The following CSMD1 variants were observed in gnomAD, a reference collection of about 807,000 sequenced individuals.
CSMD1 encodes the protein CUB and sushi domain-containing protein 1.
In CSMD1, 213 loss-of-function variants were observed where a neutral mutation model predicts 417.5. The ratio of observed to expected loss-of-function variants is 0.51; its 90% CI spans 0.46 to 0.57. CSMD1 has a LOEUF of 0.57. CSMD1 is among the 20% of genes least tolerant of loss of function. CSMD1 has a pLI of 0.00. For synonymous variants in CSMD1, 2,862 were observed against 1,736.8 expected (o/e 1.65, Z -16.11); for missense variants, 6,923 against 4,529.7 (o/e 1.53, Z -15.17).
intron 26 of CSMD1, among the ~76,000 whole-genome samples, chr8:3,236,259 A>C (rs535615367): frequency 6.6e-6 from 1 of 152,206 alleles, no homozygotes; most frequent in African/African-American, 2.4e-5. Context: ...ATACATTTAG[A>C]GCTAATGTAT....
intron 1 of CSMD1, among the ~76,000 whole-genome samples, chr8:4,641,929 C>G (rs943282156): frequency 6.6e-6 from 1 of 152,170 alleles, no homozygotes; most frequent in African/African-American, 2.4e-5. Flanking sequence ...ATAATTATTG[C>G]TAACATTTTG....
Position 3,361,388 on chromosome 8 carries a change from G to C in CSMD1, c.3116-2048C>G, listed in dbSNP as rs892138895. Among the ~76,000 whole-genome samples the C allele has an allele frequency of 2.0e-5, 3 of 151,916 alleles. No homozygotes were observed. In the South Asian group the frequency reaches 6.2e-4, roughly 32 times the overall value. ...TCATACCTGTAATCTCAGCACTTTG[G>C]GAGGCAGAGGCGGGTGGATCATGAG... is the stretch of plus-strand genomic sequence containing the variant. On this transcript the variant is annotated intron_variant, in intron 20 of 69. Transcript: ENST00000635120.
intron 1 of CSMD1, among the ~76,000 whole-genome samples, chr8:4,645,753 A>G (rs1803480672): frequency 6.6e-6 from 1 of 152,176 alleles, no homozygotes; most frequent in African/African-American, 2.4e-5. Flanking sequence ...ATTTTACGTG[A>G]AAGATGATGA....
At chr8:4,850,511 A>C (rs1034345552) in intron 1 of CSMD1, among the ~76,000 whole-genome samples, 1 of 150,478 alleles carries the variant, frequency 6.6e-6, no homozygotes, top group Non-Finnish European at 1.5e-5. Flanking sequence ...GTTATTTTCC[A>C]AAATCTTCCA....
chr8:4,084,295 A>C (rs1367968340), intron 3 of CSMD1, among the ~76,000 whole-genome samples: 1 of 150,338 alleles, frequency 6.7e-6, no homozygotes, highest in African/African-American at 2.4e-5. Flanking sequence ...TTCAACTTTT[A>C]TGAAAAAAGT....
chr8:4,226,554 C>T (rs952725372), intron 3 of CSMD1, among the ~76,000 whole-genome samples: 1 of 152,046 alleles, frequency 6.6e-6, no homozygotes, highest in Non-Finnish European at 1.5e-5. Flanking sequence ...ATCATGGATA[C>T]CATAAGTTGA....
chr8:4,580,013 G>A (rs1003249255), intron 2 of CSMD1, among the ~76,000 whole-genome samples: 1 of 152,136 alleles, frequency 6.6e-6, no homozygotes, highest in African/African-American at 2.4e-5. Flanking sequence ...CATGTGAACT[G>A]TCACATCTTT....
chr8:3,331,944 T>G (rs915736793), intron 23 of CSMD1, among the ~76,000 whole-genome samples: 5 of 152,284 alleles, frequency 3.3e-5, no homozygotes, highest in African/African-American at 1.2e-4. Flanking sequence ...AATAGATAGC[T>G]AGATAGATAA....
chr8:4,390,498 T>TTTATTTATTTATTTA (rs1321858060), intron 3 of CSMD1, among the ~76,000 whole-genome samples: 4 of 19,060 alleles, frequency 2.1e-4, no homozygotes, highest in African/African-American at 1.1e-3. Flanking sequence ...AGCGTCCATT[T>TTTATTTATTTATTTA]TTATTTATTT....
intron 3 of CSMD1, among the ~76,000 whole-genome samples, chr8:4,237,204 C>T (rs1238562215): frequency 1.3e-5 from 2 of 152,144 alleles, no homozygotes; most frequent in African/African-American, 2.4e-5. Context: ...ACCAACTTTG[C>T]AAATCAATTG....
Position 4,056,302 on chromosome 8 carries a change from C to G in CSMD1, c.416-24203G>C, listed in dbSNP as rs190797008. Among the ~76,000 whole-genome samples the G allele has an allele frequency of 1.0e-3, 155 of 151,718 alleles. 2 individuals are homozygous for G. The highest frequency in any genetic ancestry group is 3.7e-3 in the African/African-American group (153 of 41,402). On this transcript the variant is annotated intron_variant, in intron 3 of 69. Transcript: ENST00000635120. Reference sequence around the variant, plus strand: ...TTCACCATGTTGGCCTGGCTCGTCTCAAACTCCTGACCTTAGGTGATCCAC... The same window carrying G: ...TTCACCATGTTGGCCTGGCTCGTCTGAAACTCCTGACCTTAGGTGATCCAC...
At chr8:4,666,973 A>C (rs1348542340) in intron 1 of CSMD1, among the ~76,000 whole-genome samples, 4 of 152,074 alleles carry the variant, frequency 2.6e-5, no homozygotes, top group African/African-American at 9.7e-5. Flanking sequence ...TGTAATTTTT[A>C]TTCCTTTAGT....
intron 10 of CSMD1, among the ~76,000 whole-genome samples, chr8:3,555,063 G>T (rs916334228): frequency 1.3e-5 from 2 of 152,084 alleles, no homozygotes; most frequent in Non-Finnish European, 2.9e-5. Context: ...AGGCTAAGGA[G>T]CCAGGAGAGC....
In CSMD1 at chr8:4,321,225, G is replaced by C. The variant is rs1311367262; in HGVS notation, c.415+98728C>G. On this transcript the variant is annotated intron_variant, in intron 3 of 69. Coordinates refer to ENST00000635120, the MANE Select transcript of CSMD1 (RefSeq NM_033225.6). Reference sequence around the variant, plus strand: ...GTGTCCAGTGCATGAACACGTTCATGAGGCGTGCCTACAGCTAGTCCCTGT... The same window carrying C: ...GTGTCCAGTGCATGAACACGTTCATCAGGCGTGCCTACAGCTAGTCCCTGT... Among the ~76,000 whole-genome samples the C allele has an allele frequency of 2.6e-5, 4 of 152,090 alleles. No individual in the cohort carries two copies. In the East Asian group the frequency reaches 7.7e-4, roughly 29 times the overall value.
intron 5 of CSMD1, among the ~76,000 whole-genome samples, chr8:3,949,543 G>C (rs1811461965): frequency 6.6e-6 from 1 of 152,140 alleles, no homozygotes; most frequent in South Asian, 2.1e-4. Flanking sequence ...CATTAAGTGT[G>C]TCTAATTTGG....
At chr8:3,748,213 C>T (rs771302259) in intron 6 of CSMD1, among the ~76,000 whole-genome samples, 5 of 152,018 alleles carry the variant, frequency 3.3e-5, no homozygotes, top group Non-Finnish European at 5.9e-5. Context: ...AAAGTGGTTA[C>T]GTGTTTCTGA....
At chr8:3,032,929 T>C (rs1314888590) in intron 50 of CSMD1, among the ~76,000 whole-genome samples, 1 of 152,092 alleles carries the variant, frequency 6.6e-6, no homozygotes, top group Non-Finnish European at 1.5e-5. Flanking sequence ...ATTACCAGTA[T>C]ATGAAATGCA....
intron 6 of CSMD1, among the ~76,000 whole-genome samples, chr8:3,709,705 T>C (rs1320311892): frequency 2.2e-5 from 3 of 136,886 alleles, no homozygotes; most frequent in African/African-American, 8.1e-5. Context: ...TTTTTTTTTT[T>C]TTTTCCCTGC....
intron 5 of CSMD1, among the ~76,000 whole-genome samples, chr8:3,855,804 T>C (rs1184896945): frequency 2.6e-5 from 4 of 152,212 alleles, no homozygotes; most frequent in African/African-American, 9.6e-5. Flanking sequence ...TGTAGAATTT[T>C]TACTAGTAGG....
Sources: gnomAD v4.1 joint callset for allele counts (sites outside exome capture counted in the v4.1 genomes callset) on GRCh38, gnomAD v4.1.1 for gene constraint, MANE v1.5 for transcripts, NCBI Gene and HGNC (gene_info 2026-07-23, HGNC 2026-07-21) for gene names.